Variants in SAMM50 observed in about 807,000 individuals in gnomAD.
SAMM50 encodes the protein SAMM50 sorting and assembly machinery component, also known as sorting and assembly machinery component 50 homolog.
SAMM50 carries 47 observed loss-of-function variants against 66.9 expected under a neutral mutation model. The observed-to-expected ratio is 0.70, with a 90% CI of 0.56 to 0.90. SAMM50 has a LOEUF of 0.90. Among genes scored for constraint, SAMM50 ranks in the 40% least tolerant of loss-of-function variants. The probability of loss-of-function intolerance (pLI) is 0.00; values close to 1 mark genes in which losing one functional copy is unlikely to be tolerated. For synonymous variants in SAMM50, 191 were observed against 214.1 expected, an observed-to-expected ratio of 0.89 and a Z score of 0.94; for missense variants, 535 against 595.3, an observed-to-expected ratio of 0.90 and a Z score of 1.05.
chr22:43,966,669 T>C (rs1250910154), intron 3 of SAMM50, among the ~76,000 whole-genome samples: 3 of 152,200 alleles, frequency 2.0e-5, no homozygotes, highest in Non-Finnish European at 4.4e-5. Flanking sequence ...AAGTCCACTC[T>C]CTTACAGCAG....
At position 43,969,870 on chromosome 22, in the gene SAMM50, C is replaced by T. The variant is rs936194498; in HGVS notation, c.322+1052C>T. Among the ~76,000 whole-genome samples, 5 of 152,202 alleles carry T rather than the reference C, an allele frequency of 3.3e-5. No individual in the cohort carries two copies. In the East Asian group the frequency reaches 9.7e-4, roughly 30 times the overall value. On this transcript the variant is annotated intron_variant, in intron 4 of 14. Coordinates refer to ENST00000350028, the MANE Select transcript of SAMM50 (RefSeq NM_015380.5). ...CGTCAGGAGCCCAGACCGTGGTGGG[C>T]CTAACATGGCGCGGTAGAGTTCCCA...
At chr22:43,992,598 G>A (rs1471908299) in intron 14 of SAMM50, among the ~76,000 whole-genome samples, 2 of 152,284 alleles carry the variant, frequency 1.3e-5, no homozygotes, top group African/African-American at 4.8e-5. Flanking sequence ...CACTCTGTGT[G>A]ACTGTGTGGC....
At chr22:43,995,586 CAG>C (rs1481988966) in intron 14 of SAMM50, 1 of 152,484 alleles carries the variant, frequency 6.6e-6, no homozygotes, top group Admixed American at 6.5e-5. Context: ...GGCATGCTGT[CAG>C]GGGGACAGGC....
At chr22:43,993,682 G>A (rs567404530) in intron 14 of SAMM50, among the ~76,000 whole-genome samples, 2 of 152,306 alleles carry the variant, frequency 1.3e-5, no homozygotes, top group East Asian at 3.9e-4. Context: ...TTTTCGCTCA[G>A]TGTGAGGCCT....
intron 7 of SAMM50, among the ~76,000 whole-genome samples, chr22:43,973,722 G>T (rs966682394): frequency 2.6e-5 from 4 of 152,062 alleles, no homozygotes; most frequent in Non-Finnish European, 5.9e-5. Context: ...TGCAACCTCC[G>T]CCTCCCCGGT....
At chr22:43,971,330 C>T (rs1483660449) in intron 4 of SAMM50, among the ~76,000 whole-genome samples, 1 of 152,192 alleles carries the variant, frequency 6.6e-6, no homozygotes, top group East Asian at 1.9e-4. Context: ...GTCGCCTTTC[C>T]TTCCTGTGAG....
chr22:43,989,716 C>G (rs1379982862), intron 13 of SAMM50, among the ~76,000 whole-genome samples: 1 of 152,210 alleles, frequency 6.6e-6, no homozygotes, highest in Non-Finnish European at 1.5e-5. Context: ...CAACAGCTAA[C>G]ATAATGCCCA....
chr22:43,971,529 T>A (rs1186268250), intron 4 of SAMM50, among the ~76,000 whole-genome samples: 1 of 152,202 alleles, frequency 6.6e-6, no homozygotes, highest in Non-Finnish European at 1.5e-5. Flanking sequence ...CTGACACCCC[T>A]ATTGTCATGT....
chr22:43,964,477 A>G lies in SAMM50; in HGVS notation c.158A>G (p.Asp53Gly), dbSNP rs955488570. ...GTGGTTGTTCAACATGTTCATTTTG[A>G]TGGACTTGGAAGGACTAAAGATGAT... ...KDVVVQHVHFDGLGRTKDDII... is the reference protein window; with the variant it reads ...KDVVVQHVHFGGLGRTKDDII... The change falls in exon 3 of 15, where the codon GAT becomes GGT. Residue 53 changes from aspartate (D) to glycine (G), a missense_variant. By Grantham distance (94) the Asp-to-Gly change is moderately conservative. Coordinates refer to ENST00000350028, the MANE Select transcript of SAMM50 (RefSeq NM_015380.5). 9 of 1,610,704 alleles carry G rather than the reference A, an allele frequency of 5.6e-6. No homozygotes were observed. Among genetic ancestry groups the G allele is most frequent in the Non-Finnish European group, 6.8e-6 (8 of 1,177,188 alleles).
chr22:43,962,028 G>C (rs1216599887), intron 1 of SAMM50, among the ~76,000 whole-genome samples: 1 of 151,994 alleles, frequency 6.6e-6, no homozygotes, highest in East Asian at 1.9e-4. Context: ...GTGATATTAT[G>C]TTTATGTAGA....
At chr22:43,958,317 T>G (rs562529754) in intron 1 of SAMM50, among the ~76,000 whole-genome samples, 1 of 152,328 alleles carries the variant, frequency 6.6e-6, no homozygotes, top group Non-Finnish European at 1.5e-5. Flanking sequence ...GATGTAATGG[T>G]AGGAACTGCA....
chr22:43,990,520 T>C (rs2050318163), intron 14 of SAMM50, 114 bp downstream of exon 14: 3 of 1,093,242 alleles, frequency 2.7e-6, no homozygotes, highest in Non-Finnish European at 2.7e-6. Context: ...TTTAAGAGAA[T>C]TAAATAGTTG....
intron 7 of SAMM50, 187 bp from the exon 8 acceptor site, chr22:43,975,868 C>T (rs2050228544): frequency 5.0e-6 from 3 of 601,520 alleles, no homozygotes; most frequent in Non-Finnish European, 8.7e-6. Context: ...CCCCTTTCTT[C>T]CTTTGTCCTT....
intron 11 of SAMM50, 138 bp downstream of exon 11, chr22:43,981,599 G>T: frequency 3.3e-6 from 2 of 600,116 alleles, no homozygotes; most frequent in Non-Finnish European, 5.8e-6. Flanking sequence ...TTATGTTTAA[G>T]CTAATTTCTA....
At chr22:43,991,648 C>T (rs982094147) in intron 14 of SAMM50, among the ~76,000 whole-genome samples, 7 of 152,192 alleles carry the variant, frequency 4.6e-5, no homozygotes, top group African/African-American at 1.7e-4. Flanking sequence ...TCACAAAATA[C>T]CATGGAGTAT....
chr22:43,976,557 C>T (rs1425321058), intron 8 of SAMM50, among the ~76,000 whole-genome samples, 193 bp from the exon 9 acceptor site: 8 of 152,228 alleles, frequency 5.3e-5, no homozygotes, highest in Non-Finnish European at 8.8e-5. Flanking sequence ...GCTCAAGTCT[C>T]AGTGTGGACG....
chr22:43,974,091 G>A (rs1172737816), intron 7 of SAMM50, among the ~76,000 whole-genome samples: 4 of 151,916 alleles, frequency 2.6e-5, no homozygotes, highest in Non-Finnish European at 4.4e-5. Context: ...TAGTTCTTGC[G>A]GAGAGCCCTG....
At chr22:43,968,333 A>G (rs1181789658) in intron 3 of SAMM50, among the ~76,000 whole-genome samples, 1 of 152,184 alleles carries the variant, frequency 6.6e-6, no homozygotes, top group Non-Finnish European at 1.5e-5. Context: ...TTCTTCCTCA[A>G]AGGGAGAGCT....
chr22:43,996,305 G>A (rs968388563), intron 14 of SAMM50, 33 bp from the exon 15 acceptor site: 8 of 1,613,384 alleles, frequency 5.0e-6, no homozygotes, highest in Non-Finnish European at 6.8e-6. Context: ...CTGGCGGAGC[G>A]GCCGCCGCAT....
Sources: gnomAD v4.1 joint callset for allele counts (sites outside exome capture counted in the v4.1 genomes callset) on GRCh38, gnomAD v4.1.1 for gene constraint, MANE v1.5 for transcripts, NCBI Gene and HGNC (gene_info 2026-07-23, HGNC 2026-07-21) for gene names.